The following PSD2 variants were observed in gnomAD, a reference collection of about 807,000 sequenced individuals.
PSD2 encodes the protein pleckstrin and Sec7 domain containing 2.
PSD2 carries 38 observed loss-of-function variants against 69.8 expected under a neutral mutation model. The observed-to-expected ratio is 0.54, with a 90% confidence interval of 0.42 to 0.71. The LOEUF is 0.71. Among genes scored for constraint, PSD2 ranks in the 30% least tolerant of loss-of-function variants. The pLI, the probability that PSD2 is intolerant of heterozygous loss-of-function variation, is 0.00. For missense variants in PSD2, 943 were observed against 1,014.5 expected (o/e 0.93, Z 0.96); for synonymous variants, 412 against 423.0 (o/e 0.97, Z 0.32).
the PSD2 span, among the ~76,000 whole-genome samples, chr5:139,752,144 G>A: frequency 3.3e-5 from 5 of 151,878 alleles, no homozygotes; most frequent in African/African-American, 9.7e-5. Flanking sequence ...GCAGATCCTC[G>A]ACACTGCCAA....
At position 139,809,704 on chromosome 5, in the gene PSD2, C is replaced by T; in HGVS notation, c.264C>T (p.Asn88=). Residue 88 remains asparagine (N), a synonymous_variant, in exon 2 of 15, where the codon AAC becomes AAT. Transcript: ENST00000274710. Reference sequence around the variant, plus strand: ...GCCTAGCCCTGGGGCCAGACTTGAACATTCTGGAAGATTCAGCGGAGTCCA... The same window carrying T: ...GCCTAGCCCTGGGGCCAGACTTGAATATTCTGGAAGATTCAGCGGAGTCCA... The part of the protein sequence containing the change: ...TNGLALGPDL[N]ILEDSAESRP... The T allele has an allele frequency of 6.2e-7, 1 of 1,614,254 alleles. No individual in the cohort carries two copies. The highest frequency in any genetic ancestry group is 1.3e-5 in the African/African-American group (1 of 75,062).
At position 139,814,723 on chromosome 5, in the gene PSD2, C is replaced by T. The variant is rs941737366; in HGVS notation, c.1016+359C>T. Among the ~76,000 whole-genome samples, 1 of 152,106 alleles carries T rather than the reference C, an allele frequency of 6.6e-6. No individual in the cohort carries two copies. Among genetic ancestry groups the T allele is most frequent in the Non-Finnish European group, 1.5e-5 (1 of 68,006 alleles). On this transcript the variant is annotated intron_variant, in intron 4 of 14. Transcript: ENST00000274710. The surrounding 1 kb of genome is among the most constrained non-coding windows in gnomAD (Gnocchi z 4.4). ...GCCAGGGAGAAAGGAGAACCCGGGC[C>T]TCGGGGGACACCTCTGGGACCCAGA... is the stretch of plus-strand genomic sequence containing the variant.
At position 139,817,604 on chromosome 5, in the gene PSD2, C is replaced by T. The variant is rs1308797063; in HGVS notation, c.1097+43C>T. 2.7e-6 allele frequency: 4 copies of T among 1,466,658 alleles called. No homozygotes were observed. The African/African-American group carries it at 4.2e-5, about 15-fold the overall frequency. 90.9% of individuals were successfully genotyped at this position (1,466,658 alleles called of 1,614,324 possible). A position where few individuals can be genotyped will look rare whatever the true frequency, so the allele number is the denominator to read the frequency against. On this transcript the variant is annotated intron_variant, in intron 5 of 14. Transcript: ENST00000274710. ...AGGCAGTGCCCACAAGTGGTACAGG[C>T]TGCACTTCTGGATTCTCATGTCAAC...
chr5:139,801,256 G>C (rs184109436), intron 1 of PSD2, among the ~76,000 whole-genome samples: 2 of 151,732 alleles, frequency 1.3e-5, no homozygotes, highest in Non-Finnish European at 2.9e-5. Context: ...CTTCTGGAAG[G>C]GTTGTCTAGA....
chr5:139,767,159 A>AT, the PSD2 span, among the ~76,000 whole-genome samples: 98 of 149,322 alleles, frequency 6.6e-4, no homozygotes, highest in African/African-American at 2.0e-3. Context: ...TGCCCAGCTA[A>AT]TTTTTTTTGT....
the PSD2 span, among the ~76,000 whole-genome samples, chr5:139,766,277 C>T: frequency 6.6e-6 from 1 of 152,160 alleles, no homozygotes; most frequent in African/African-American, 2.4e-5. Context: ...TGAGGCCTCC[C>T]TTCCAGGCCT....
intron 7 of PSD2, among the ~76,000 whole-genome samples, chr5:139,823,285 C>A (rs1371013833): frequency 6.6e-6 from 1 of 152,154 alleles, no homozygotes; most frequent in Non-Finnish European, 1.5e-5. Context: ...GCTCCGGGAC[C>A]CCTCTCTGGG....
At chr5:139,838,077 G>A (rs1012193221) in intron 12 of PSD2, among the ~76,000 whole-genome samples, 21 of 152,224 alleles carry the variant, frequency 1.4e-4, no homozygotes, top group Non-Finnish European at 2.4e-4. Context: ...TCTGCAATGT[G>A]GGGCAGGTGG....
chr5:139,823,115 C>G (rs1294118359), intron 7 of PSD2, among the ~76,000 whole-genome samples: 2 of 152,162 alleles, frequency 1.3e-5, no homozygotes, highest in Admixed American at 6.5e-5. Context: ...ATTGAAATAC[C>G]GTGCTCGGGG....
intron 7 of PSD2, among the ~76,000 whole-genome samples, chr5:139,825,686 G>A (rs1760398291): frequency 6.7e-6 from 1 of 149,338 alleles, no homozygotes; most frequent in Non-Finnish European, 1.5e-5. Flanking sequence ...TCTGTGTGGG[G>A]GTGGTGGTGA....
intron 5 of PSD2, among the ~76,000 whole-genome samples, chr5:139,819,912 C>T (rs982782697): frequency 2.0e-5 from 3 of 152,282 alleles, no homozygotes; most frequent in Admixed American, 1.3e-4. Context: ...ACTGTGCAGG[C>T]ACTGGAGAGC....
chr5:139,770,637 A>T, the PSD2 span, among the ~76,000 whole-genome samples: 1 of 152,254 alleles, frequency 6.6e-6, no homozygotes, highest in Admixed American at 6.5e-5. Flanking sequence ...TCCTCATGTT[A>T]TTTCGCTGGA....
Position 139,809,560 on chromosome 5 carries a change from C to A in PSD2, c.120C>A (p.Asn40Lys). 6.2e-7 allele frequency: 1 copy of A among 1,614,000 alleles called. No individual in the cohort carries two copies. Among genetic ancestry groups the A allele is most frequent in the Non-Finnish European group, 8.5e-7 (1 of 1,179,892 alleles). ...ATGGGATGGCCAGTGAGGGCCTGAA[C>A]AGCAGCCTCTGCAGCCCAGGGCACG... ...VRNGMASEGL[N>K]SSLCSPGHER... The change falls in exon 2 of 15, where the codon AAC (asparagine) becomes AAA (lysine). Residue 40 changes from asparagine (N) to lysine (K), a missense_variant. Physicochemically the swap from Asn to Lys is moderately conservative, Grantham distance 94. This residue lies in a region of PSD2 where 466 missense variants were observed against 445.0 expected (regional missense o/e 1.05). Transcript: ENST00000274710.
At chr5:139,765,175 C>G in the PSD2 span, among the ~76,000 whole-genome samples, 2 of 152,212 alleles carry the variant, frequency 1.3e-5, no homozygotes, top group East Asian at 1.9e-4. Context: ...ACTCAGTGCC[C>G]CTTCTGCTCG....
the PSD2 span, among the ~76,000 whole-genome samples, chr5:139,786,015 G>C: frequency 6.6e-6 from 1 of 152,134 alleles, no homozygotes; most frequent in Non-Finnish European, 1.5e-5. Context: ...CTTGAACCCA[G>C]GAGTTTGAGG....
intron 1 of PSD2, among the ~76,000 whole-genome samples, chr5:139,802,186 G>T (rs1759690426): frequency 6.6e-6 from 1 of 151,938 alleles, no homozygotes; most frequent in Admixed American, 6.6e-5. Context: ...GATTGGGGAG[G>T]GGGTGGGGAG....
chr5:139,819,448 C>T (rs1760201298), intron 5 of PSD2, among the ~76,000 whole-genome samples: 1 of 152,202 alleles, frequency 6.6e-6, no homozygotes, highest in Non-Finnish European at 1.5e-5. Context: ...AGCCTTTTAG[C>T]CTCCTGCCTT....
intron 1 of PSD2, among the ~76,000 whole-genome samples, chr5:139,804,750 G>A (rs570654187): frequency 5.3e-5 from 8 of 152,288 alleles, no homozygotes; most frequent in African/African-American, 1.9e-4. Flanking sequence ...GATGCCCGAT[G>A]ATGTAGATCT....
At chr5:139,769,972 G>A in the PSD2 span, among the ~76,000 whole-genome samples, 2 of 152,228 alleles carry the variant, frequency 1.3e-5, no homozygotes, top group Non-Finnish European at 2.9e-5. Context: ...CTTGTGTTTT[G>A]TAAGTGGGGT....
Sources: allele counts gnomAD v4.1 joint callset (sites outside exome capture counted in the v4.1 genomes callset), GRCh38; gene constraint gnomAD v4.1.1; regional missense constraint gnomAD v4.1.1; non-coding constraint Gnocchi (gnomAD v3.1); transcripts MANE v1.5; gene names NCBI Gene and HGNC (gene_info 2026-07-23, HGNC 2026-07-21).